The following MSRA variants were observed in gnomAD, a reference collection of about 807,000 sequenced individuals.
MSRA encodes the protein methionine sulfoxide reductase A, also known as mitochondrial peptide methionine sulfoxide reductase.
MSRA carries 54 observed loss-of-function variants against 31.3 expected under a neutral mutation model. That is an observed-to-expected ratio of 1.73 (90% CI 1.39 to 2.17). The LOEUF (loss-of-function observed/expected upper bound fraction) is 2.17, where lower values mean the gene tolerates loss of function less well. Ranked by LOEUF, MSRA falls within the 30% of genes most tolerant of loss-of-function variation. The probability of loss-of-function intolerance (pLI) is 0.00; values close to 1 mark genes in which losing one functional copy is unlikely to be tolerated. For synonymous variants in MSRA, 169 were observed against 116.5 expected (o/e 1.45, Z -2.90); for missense variants, 507 against 300.9 (o/e 1.69, Z -5.07).
chr8:10,087,654 G>A (rs930536518), intron 1 of MSRA, among the ~76,000 whole-genome samples: 2 of 152,142 alleles, frequency 1.3e-5, no homozygotes, highest in African/African-American at 2.4e-5. Flanking sequence ...GGTTGGGAGA[G>A]TGGTTGCCTG....
intron 5 of MSRA, among the ~76,000 whole-genome samples, chr8:10,325,677 T>C (rs943092317): frequency 6.6e-6 from 1 of 152,228 alleles, no homozygotes; most frequent in Non-Finnish European, 1.5e-5. Flanking sequence ...TCAGCTTTGA[T>C]ACCGTAAAGA....
chr8:10,356,219 G>C (rs376849058), intron 5 of MSRA, among the ~76,000 whole-genome samples: 2 of 152,134 alleles, frequency 1.3e-5, no homozygotes, highest in African/African-American at 4.8e-5. Flanking sequence ...GTTGTTTTCC[G>C]TATGGTTACT....
At chr8:10,169,734 C>T (rs926899116) in intron 1 of MSRA, among the ~76,000 whole-genome samples, 1 of 152,130 alleles carries the variant, frequency 6.6e-6, no homozygotes, top group Non-Finnish European at 1.5e-5. Context: ...GTAAATGATA[C>T]CTTAAAAACT....
chr8:10,271,474 T>C (rs1026776613), intron 3 of MSRA, among the ~76,000 whole-genome samples: 2 of 152,252 alleles, frequency 1.3e-5, no homozygotes, highest in African/African-American at 4.8e-5. Context: ...TTAAAAAACT[T>C]TTTTAGGGTG....
At chr8:10,265,621 T>C (rs750186427) in intron 3 of MSRA, among the ~76,000 whole-genome samples, 15 of 152,200 alleles carry the variant, frequency 9.9e-5, no homozygotes, top group Non-Finnish European at 1.9e-4. Flanking sequence ...AAGTGATCTA[T>C]ATTAAAGTAC....
chr8:10,211,527 AGT>A (rs1397854275), intron 2 of MSRA, among the ~76,000 whole-genome samples: 2 of 152,082 alleles, frequency 1.3e-5, no homozygotes, highest in African/African-American at 4.8e-5. Flanking sequence ...AAGCTGGAAA[AGT>A]GGAGCCACAC....
intron 5 of MSRA, among the ~76,000 whole-genome samples, chr8:10,364,040 C>G (rs757816106): frequency 1.1e-4 from 17 of 152,162 alleles, no homozygotes; most frequent in Non-Finnish European, 1.9e-4. Context: ...TTACCCTGTT[C>G]TCTGCCAGAG....
chr8:10,073,205 G>A (rs935834612), intron 1 of MSRA, among the ~76,000 whole-genome samples: 2 of 152,144 alleles, frequency 1.3e-5, no homozygotes, highest in African/African-American at 2.4e-5. Flanking sequence ...TAGGGGAAAA[G>A]CATTCAGCCT....
rs566204203 is a variant in MSRA, at chr8:10,190,869, C to A, written c.143-16964C>A. ...CTCATCCCGTCCTTACGTGTTTTTG[C>A]CAGGGACTTAACTAAAATCTAAAAT... is the stretch of plus-strand genomic sequence containing the variant. On this transcript the variant is annotated intron_variant, in intron 1 of 5. Coordinates refer to ENST00000317173, the MANE Select transcript of MSRA (RefSeq NM_012331.5). 2.0e-5 allele frequency among the ~76,000 whole-genome samples: 3 copies of A among 152,176 alleles called. No individual in the cohort carries two copies. In the East Asian group the frequency reaches 5.8e-4, roughly 29 times the overall value.
chr8:10,305,944 A>G (rs1479356845), intron 4 of MSRA, among the ~76,000 whole-genome samples: 1 of 152,268 alleles, frequency 6.6e-6, no homozygotes, highest in Admixed American at 6.5e-5. Context: ...TTTACCAATT[A>G]CCACAGAACC....
At chr8:10,079,724 G>A (rs961958355) in intron 1 of MSRA, among the ~76,000 whole-genome samples, 3 of 152,128 alleles carry the variant, frequency 2.0e-5, no homozygotes, top group African/African-American at 4.8e-5. Flanking sequence ...ATCCAGTCAT[G>A]CCCATAAGCC....
intron 1 of MSRA, among the ~76,000 whole-genome samples, chr8:10,204,125 A>G (rs1808738494): frequency 2.0e-5 from 3 of 152,142 alleles, no homozygotes; most frequent in East Asian, 3.9e-4. Flanking sequence ...AAATATTTTC[A>G]TATAATTGTA....
At chr8:10,076,372 C>T (rs1000785675) in intron 1 of MSRA, among the ~76,000 whole-genome samples, 2 of 152,180 alleles carry the variant, frequency 1.3e-5, no homozygotes, top group Non-Finnish European at 2.9e-5. Context: ...CGTGGCTAAG[C>T]TGTAGGTGCA....
intron 5 of MSRA, among the ~76,000 whole-genome samples, chr8:10,334,038 A>G (rs1045434861): frequency 5.9e-5 from 9 of 152,268 alleles, no homozygotes; most frequent in African/African-American, 1.9e-4. Flanking sequence ...GTGTGGTCTG[A>G]TAACAGCAGC....
At position 10,376,400 on chromosome 8, in the gene MSRA, G is replaced by C. The variant is rs539856592; in HGVS notation, c.544-51748G>C. Reference sequence around the variant, plus strand: ...TGCAGATTTAGAAAATACCTAATTAGAGGCAGGACAGCAGCATCTTAAGGT... The same window carrying C: ...TGCAGATTTAGAAAATACCTAATTACAGGCAGGACAGCAGCATCTTAAGGT... On this transcript the variant is annotated intron_variant, in intron 5 of 5. Transcript: ENST00000317173. 2.0e-4 allele frequency among the ~76,000 whole-genome samples: 31 copies of C among 152,304 alleles called. No individual in the cohort carries two copies. In the South Asian group the frequency reaches 6.4e-3, roughly 32 times the overall value.
chr8:10,098,986 C>G (rs1229397175), intron 1 of MSRA, among the ~76,000 whole-genome samples: 1 of 152,198 alleles, frequency 6.6e-6, no homozygotes, highest in African/African-American at 2.4e-5. Flanking sequence ...TAAGGCCCCT[C>G]CCACATCCTG....
At chr8:10,304,556 C>T (rs1256031583) in intron 4 of MSRA, among the ~76,000 whole-genome samples, 1 of 152,170 alleles carries the variant, frequency 6.6e-6, no homozygotes, top group Non-Finnish European at 1.5e-5. Context: ...TGACACATGT[C>T]AAGTGTCATT....
chr8:10,305,838 G>A (rs1479339715), intron 4 of MSRA, among the ~76,000 whole-genome samples: 1 of 152,234 alleles, frequency 6.6e-6, no homozygotes, highest in Non-Finnish European at 1.5e-5. Flanking sequence ...TGAGTCTGAA[G>A]AGGATGCCAC....
chr8:10,330,575 C>G (rs1310509484), intron 5 of MSRA, among the ~76,000 whole-genome samples: 1 of 152,204 alleles, frequency 6.6e-6, no homozygotes, highest in African/African-American at 2.4e-5. Flanking sequence ...TTAAACAAAG[C>G]TATCTGAGGC....
Sources: gnomAD v4.1 joint callset for allele counts (sites outside exome capture counted in the v4.1 genomes callset) on GRCh38, gnomAD v4.1.1 for gene constraint, MANE v1.5 for transcripts, NCBI Gene and HGNC (gene_info 2026-07-23, HGNC 2026-07-21) for gene names.